The following SYNE2 variants were observed in gnomAD, a reference collection of about 807,000 sequenced individuals.
SYNE2 encodes the protein spectrin repeat containing nuclear envelope protein 2.
SYNE2 carries 431 observed loss-of-function variants against 856.3 expected under a neutral mutation model. The ratio of observed to expected loss-of-function variants is 0.50; its 90% CI spans 0.47 to 0.55. The LOEUF is 0.55. Among genes scored for constraint, SYNE2 ranks in the 20% least tolerant of loss-of-function variants. SYNE2 has a pLI of 0.00. For synonymous variants in SYNE2, 2,923 were observed against 2,872.3 expected (o/e 1.02, Z -0.56); for missense variants, 8,129 against 8,023.2 (o/e 1.01, Z -0.50).
chr14:64,206,918 G>A lies in SYNE2; in HGVS notation c.18202-1840G>A, dbSNP rs190266592. Among the ~76,000 whole-genome samples the A allele has an allele frequency of 2.0e-5, 3 of 152,186 alleles. No individual in the cohort carries two copies. The East Asian group carries it at 5.8e-4, about 29-fold the overall frequency. ...GGATATGTATCTTCTAATTTTAGAA[G>A]GGCCCATGACAGTTCTGTGAACCGG... On this transcript the variant is annotated intron_variant, in intron 100 of 115. Transcript: ENST00000555002.
At position 63,871,787 on chromosome 14, in the gene SYNE2, C is replaced by G. The variant is rs540831764; in HGVS notation, c.-52+18644C>G. Among the ~76,000 whole-genome samples, 3 of 151,990 alleles carry G rather than the reference C, an allele frequency of 2.0e-5. No homozygotes were observed. The South Asian group carries it at 6.2e-4, about 32-fold the overall frequency. Reference sequence around the variant, plus strand: ...AGGATTACAGGTGTGAGCCACTGCACCTGGCCAACTTAAATTATATCTATA... The same window carrying G: ...AGGATTACAGGTGTGAGCCACTGCAGCTGGCCAACTTAAATTATATCTATA... On this transcript the variant is annotated intron_variant, in intron 1 of 115. Coordinates refer to ENST00000555002, the MANE Select transcript of SYNE2 (RefSeq NM_182914.3).
chr14:64,034,782 TC>T (rs980557095), intron 45 of SYNE2, among the ~76,000 whole-genome samples: 10 of 152,126 alleles, frequency 6.6e-5, no homozygotes, highest in Non-Finnish European at 8.8e-5. Context: ...AGAAGTACCT[TC>T]CATCTCCTCC....
At chr14:64,218,199 G>A in intron 108 of SYNE2, 199 bp from the exon 109 acceptor site, 1 of 562,138 alleles carries the variant, frequency 1.8e-6, no homozygotes. Context: ...GGCCTTAGCT[G>A]AGGCTTTATT....
intron 111 of SYNE2, 105 bp downstream of exon 111, chr14:64,220,742 G>T: frequency 1.5e-6 from 2 of 1,326,430 alleles, no homozygotes; most frequent in Middle Eastern, 2.5e-4. Flanking sequence ...GCAGCCAAAT[G>T]TGGCTGGTGT....
intron 75 of SYNE2, 73 bp downstream of exon 75, chr14:64,129,974 A>T: frequency 6.2e-7 from 1 of 1,613,624 alleles, no homozygotes; most frequent in Non-Finnish European, 8.5e-7. Context: ...CCACCAGCAG[A>T]GTTTAGATTT....
intron 51 of SYNE2, among the ~76,000 whole-genome samples, chr14:64,067,696 CTA>C (rs998609455): frequency 4.6e-5 from 7 of 152,108 alleles, no homozygotes; most frequent in African/African-American, 1.7e-4. Flanking sequence ...AAATTAAAAA[CTA>C]AATTTAAATT....
chr14:64,132,242 T>C (rs773766466), intron 76 of SYNE2, 23 bp from the exon 77 acceptor site: 69 of 1,612,050 alleles, frequency 4.3e-5, no homozygotes, highest in Non-Finnish European at 5.4e-5. Context: ...AAAGTAAATA[T>C]TAAAACTTTC....
At chr14:64,136,546 ATTTT>A (rs969969381) in intron 78 of SYNE2, among the ~76,000 whole-genome samples, 1 of 152,144 alleles carries the variant, frequency 6.6e-6, no homozygotes, top group Non-Finnish European at 1.5e-5. Flanking sequence ...TTAATAATTT[ATTTT>A]TTAAGATTAA....
chr14:64,021,190 A>T (rs2096933318), intron 35 of SYNE2, 125 bp from the exon 36 acceptor site: 1 of 781,298 alleles, frequency 1.3e-6, no homozygotes, highest in Non-Finnish European at 2.2e-6. Flanking sequence ...AAAAACGTAG[A>T]GCAATGAAAA....
intron 96 of SYNE2, among the ~76,000 whole-genome samples, chr14:64,181,985 A>G (rs1020921859): frequency 3.3e-5 from 5 of 152,362 alleles, no homozygotes; most frequent in Non-Finnish European, 5.9e-5. Flanking sequence ...GAAGCAATCA[A>G]TGTTACAAGT....
chr14:64,134,496 G>A (rs1478368405), intron 78 of SYNE2, among the ~76,000 whole-genome samples: 1 of 152,050 alleles, frequency 6.6e-6, no homozygotes, highest in African/African-American at 2.4e-5. Flanking sequence ...GCAGATAATC[G>A]AGCCAATTCT....
At chr14:64,148,450 C>T (rs2098207680) in intron 84 of SYNE2, among the ~76,000 whole-genome samples, 1 of 152,206 alleles carries the variant, frequency 6.6e-6, no homozygotes, top group Non-Finnish European at 1.5e-5. Flanking sequence ...TGGCCGGCAT[C>T]ATCCCTCGTC....
chr14:64,191,461 GCGGTTA>G (rs2139660683), intron 99 of SYNE2, among the ~76,000 whole-genome samples: 1 of 152,294 alleles, frequency 6.6e-6, no homozygotes, highest in Non-Finnish European at 1.5e-5. Context: ...ATGAGGGATT[GCGGTTA>G]CTGGTGGCAG....
chr14:64,079,739 C>T (rs1244451865), intron 55 of SYNE2, among the ~76,000 whole-genome samples: 2 of 152,116 alleles, frequency 1.3e-5, no homozygotes, highest in Non-Finnish European at 2.9e-5. Context: ...GATAGGGTCT[C>T]ACCCTGTCAC....
intron 1 of SYNE2, among the ~76,000 whole-genome samples, chr14:63,828,440 GA>G (rs1438870304): frequency 5.3e-5 from 8 of 151,974 alleles, no homozygotes; most frequent in Non-Finnish European, 4.4e-5. Context: ...AGGAGTTCAA[GA>G]CCAGCCTGGC....
chr14:63,998,034 G>A (rs1011796749), intron 25 of SYNE2, among the ~76,000 whole-genome samples, 185 bp from the exon 26 acceptor site: 24 of 152,182 alleles, frequency 1.6e-4, no homozygotes. Context: ...CCAGTTAGAA[G>A]GTGAGACTCT....
intron 58 of SYNE2, 140 bp from the exon 59 acceptor site, chr14:64,089,434 G>T (rs2097589931): frequency 6.3e-6 from 3 of 475,982 alleles, no homozygotes; most frequent in Non-Finnish European, 1.1e-5. Flanking sequence ...TTTATCTATA[G>T]TGCTTGGTTA....
chr14:63,807,866 A>ATATATATAT (rs1595129664), intron 1 of SYNE2, among the ~76,000 whole-genome samples: 4 of 45,382 alleles, frequency 8.8e-5, no homozygotes, highest in Admixed American at 2.9e-4. Flanking sequence ...TATATATATA[A>ATATATATAT]TTTCAATAGT....
At chr14:64,006,427 C>G (rs2096796519) in intron 30 of SYNE2, among the ~76,000 whole-genome samples, 2 of 152,128 alleles carry the variant, frequency 1.3e-5, no homozygotes, top group African/African-American at 4.8e-5. Flanking sequence ...GTCTCTCTCT[C>G]TTTTCTCTCG....
Sources: gnomAD v4.1 joint callset for allele counts (sites outside exome capture counted in the v4.1 genomes callset) on GRCh38, gnomAD v4.1.1 for gene constraint, MANE v1.5 for transcripts, NCBI Gene and HGNC (gene_info 2026-07-23, HGNC 2026-07-21) for gene names.